The following IMMP1L variants were observed in gnomAD, a reference collection of about 807,000 sequenced individuals.
The protein encoded by IMMP1L is mitochondrial inner membrane protease subunit 1.
In IMMP1L, 24 loss-of-function variants were observed where a neutral mutation model predicts 21.8. The observed-to-expected ratio is 1.10, with a 90% CI of 0.80 to 1.55. The LOEUF is 1.55. Among genes scored for constraint, IMMP1L ranks in the 40% most tolerant of loss-of-function variants. The pLI, the probability that IMMP1L is intolerant of heterozygous loss-of-function variation, is 0.00. For missense variants in IMMP1L, 195 were observed against 200.7 expected, an observed-to-expected ratio of 0.97 and a Z score of 0.17; for synonymous variants, 46 against 62.8, an observed-to-expected ratio of 0.73 and a Z score of 1.26.
chr11:31,479,053 A>G (rs1954808583), intron 1 of IMMP1L, among the ~76,000 whole-genome samples: 2 of 152,094 alleles, frequency 1.3e-5, no homozygotes, highest in Admixed American at 1.3e-4. Context: ...AAGCAAATTT[A>G]TATGAAAAGA....
chr11:31,460,813 T>C (rs1384938276), intron 2 of IMMP1L, 99 bp from the exon 3 acceptor site: 1 of 860,218 alleles, frequency 1.2e-6, no homozygotes, highest in African/African-American at 1.7e-5. Flanking sequence ...CAAGCAAATG[T>C]TCCTAAAGCT....
intron 3 of IMMP1L, among the ~76,000 whole-genome samples, chr11:31,457,483 C>T (rs1953985703): frequency 6.6e-6 from 1 of 152,070 alleles, no homozygotes; most frequent in South Asian, 2.1e-4. Flanking sequence ...ATTAATTGTA[C>T]CTAGTTCCAG....
intron 1 of IMMP1L, among the ~76,000 whole-genome samples, chr11:31,485,246 G>A (rs545588977): frequency 6.6e-6 from 1 of 151,850 alleles, no homozygotes; most frequent in African/African-American, 2.4e-5. Flanking sequence ...ATCATCTAAT[G>A]TATTATTTTT....
At chr11:31,462,348 T>A (rs1003467118) in intron 2 of IMMP1L, among the ~76,000 whole-genome samples, 2 of 150,612 alleles carry the variant, frequency 1.3e-5, no homozygotes, top group Non-Finnish European at 3.0e-5. Flanking sequence ...AAATTTCAGT[T>A]AAATATATAT....
At chr11:31,466,443 C>T (rs188691164) in intron 1 of IMMP1L, among the ~76,000 whole-genome samples, 1 of 152,036 alleles carries the variant, frequency 6.6e-6, no homozygotes, top group Non-Finnish European at 1.5e-5. Flanking sequence ...CAAAGGGATA[C>T]CTGCATCCTC....
At chr11:31,474,423 A>G (rs1382500736) in intron 1 of IMMP1L, among the ~76,000 whole-genome samples, 3 of 152,224 alleles carry the variant, frequency 2.0e-5, no homozygotes, top group South Asian at 4.1e-4. Context: ...GTTCAAATCC[A>G]TAAGTGTTAA....
intron 1 of IMMP1L, among the ~76,000 whole-genome samples, chr11:31,479,644 CT>C (rs1322662578): frequency 1.3e-5 from 2 of 152,096 alleles, no homozygotes; most frequent in African/African-American, 4.8e-5. Flanking sequence ...ACATTGGACT[CT>C]GAAGACTTAA....
At chr11:31,467,987 C>A (rs1002720379) in intron 1 of IMMP1L, among the ~76,000 whole-genome samples, 12 of 151,830 alleles carry the variant, frequency 7.9e-5, no homozygotes, top group African/African-American at 2.9e-4. Flanking sequence ...CAAAACACAT[C>A]CATATTGCAG....
intron 1 of IMMP1L, among the ~76,000 whole-genome samples, chr11:31,491,138 A>T (rs893080720): frequency 1.3e-5 from 2 of 152,180 alleles, no homozygotes; most frequent in African/African-American, 4.8e-5. Context: ...AATTTTAGAG[A>T]ACTAACATAG....
At chr11:31,496,766 G>A (rs1177563306) in intron 1 of IMMP1L, among the ~76,000 whole-genome samples, 1 of 147,856 alleles carries the variant, frequency 6.8e-6, no homozygotes, top group Non-Finnish European at 1.5e-5. Flanking sequence ...TATGTAATCT[G>A]ATATAGGATA....
chr11:31,439,374 A>G (rs1384162633), intron 4 of IMMP1L, among the ~76,000 whole-genome samples: 3 of 152,034 alleles, frequency 2.0e-5, no homozygotes, highest in African/African-American at 4.8e-5. Flanking sequence ...CTGATCTACT[A>G]AAGACCACCA....
chr11:31,478,011 CCCAG>C (rs1446745360), intron 1 of IMMP1L, among the ~76,000 whole-genome samples: 15 of 152,180 alleles, frequency 9.9e-5, no homozygotes, highest in African/African-American at 3.6e-4. Context: ...CCCTTTAAAT[CCCAG>C]CCCTACTTAG....
chr11:31,455,280 T>C (rs1169345630), intron 4 of IMMP1L, among the ~76,000 whole-genome samples: 1 of 152,206 alleles, frequency 6.6e-6, no homozygotes. Flanking sequence ...TAATGTTAGT[T>C]AACAAACAGC....
chr11:31,505,908 A>T (rs1027826581), intron 1 of IMMP1L, among the ~76,000 whole-genome samples: 41 of 152,242 alleles, frequency 2.7e-4, no homozygotes, highest in African/African-American at 9.4e-4. Flanking sequence ...TATACAAATT[A>T]TGTGTTAATC....
intron 4 of IMMP1L, among the ~76,000 whole-genome samples, chr11:31,438,524 T>G (rs956608897): frequency 6.6e-6 from 1 of 152,136 alleles, no homozygotes; most frequent in African/African-American, 2.4e-5. Context: ...TGAGGTCCAA[T>G]TCATACTTTT....
At chr11:31,477,697 T>A (rs1043564779) in intron 1 of IMMP1L, 1 of 177,916 alleles carries the variant, frequency 5.6e-6, no homozygotes, top group Non-Finnish European at 1.1e-5. Flanking sequence ...CTTGCAGACA[T>A]CAAAATTATC....
chr11:31,477,794 T>C (rs1257433868), intron 1 of IMMP1L: 1 of 152,334 alleles, frequency 6.6e-6, no homozygotes, highest in African/African-American at 2.4e-5. Flanking sequence ...AGCTGCTGTT[T>C]TAGCCGGCAG....
Position 31,497,460 on chromosome 11 carries a change from C to CT in IMMP1L, c.-30+12058dup, listed in dbSNP as rs796666845. On this transcript the variant is annotated intron_variant, in intron 1 of 5. Coordinates refer to ENST00000532287, the MANE Select transcript of IMMP1L (RefSeq NM_001304274.2). ...GCTTCTTGGGTACAATATTTCTTTT[C>CT]TTTTTTTTTTTTTTTTTTTGAGATG... is the stretch of plus-strand genomic sequence containing the variant. Among the ~76,000 whole-genome samples, 479 of 123,944 alleles carry CT rather than the reference C, an allele frequency of 3.9e-3. 3 individuals are homozygous for CT. The highest frequency in any genetic ancestry group is 5.3e-3 in the Non-Finnish European group (315 of 59,104). 81.3% of individuals were successfully genotyped at this position (123,944 alleles called of 152,430 possible).
intron 1 of IMMP1L, among the ~76,000 whole-genome samples, chr11:31,485,031 T>C (rs1254886674): frequency 1.3e-5 from 2 of 151,922 alleles, no homozygotes; most frequent in African/African-American, 2.4e-5. Flanking sequence ...AAAACAAATA[T>C]ACTCCCTATT....
Sources: gnomAD v4.1 joint callset for allele counts (sites outside exome capture counted in the v4.1 genomes callset) on GRCh38, gnomAD v4.1.1 for gene constraint, MANE v1.5 for transcripts, NCBI Gene and HGNC (gene_info 2026-07-23, HGNC 2026-07-21) for gene names.